DOCK2: variants seen among roughly 807,000 people sequenced by gnomAD.
DOCK2 encodes dedicator of cytokinesis protein 2.
DOCK2 carries 87 observed loss-of-function variants against 248.9 expected under a neutral mutation model. That is an observed-to-expected ratio of 0.35 (90% CI 0.29 to 0.42). DOCK2 has a LOEUF of 0.42. Among genes scored for constraint, DOCK2 ranks in the 10% least tolerant of loss-of-function variants. The probability of loss-of-function intolerance (pLI) is 1.00; values close to 1 mark genes in which losing one functional copy is unlikely to be tolerated. For missense variants in DOCK2, 1,747 were observed against 2,300.2 expected, an observed-to-expected ratio of 0.76 and a Z score of 4.92; for synonymous variants, 805 against 821.6, an observed-to-expected ratio of 0.98 and a Z score of 0.35.
At chr5:169,943,431 G>A (rs1776321319) in intron 27 of DOCK2, among the ~76,000 whole-genome samples, 1 of 152,114 alleles carries the variant, frequency 6.6e-6, no homozygotes, top group Non-Finnish European at 1.5e-5. Context: ...TTTAAAAAAT[G>A]TGAATCCTTT....
At chr5:169,765,762 A>G (rs1440788095) in intron 25 of DOCK2, among the ~76,000 whole-genome samples, 1 of 152,034 alleles carries the variant, frequency 6.6e-6, no homozygotes, top group African/African-American at 2.4e-5. Context: ...GAGATTTGGA[A>G]GCTCTTTCAA....
intron 27 of DOCK2, among the ~76,000 whole-genome samples, chr5:169,925,756 A>G (rs933728094): frequency 6.6e-6 from 1 of 151,990 alleles, no homozygotes; most frequent in Non-Finnish European, 1.5e-5. Flanking sequence ...AAAAGAGATC[A>G]TGTAAAGTGC....
In DOCK2 at chr5:169,654,466, G is replaced by A. The variant is rs756449193; in HGVS notation, c.107G>A (p.Arg36Gln). The change falls in exon 2 of 52, where the codon CGA becomes CAA. Residue 36 changes from arginine (R) to glutamine (Q), a missense_variant. Coordinates refer to ENST00000520908, the MANE Select transcript of DOCK2 (RefSeq NM_004946.3). Reference protein sequence around the residue: ...QLSLQIGDVVRIQETCGDWYR... With the variant: ...QLSLQIGDVVQIQETCGDWYR... ...TCCCTGCAGATCGGCGATGTGGTGCGAATACAGGAGACGTGTGGAGGTGAG... is the reference window on the plus strand; with the variant it reads ...TCCCTGCAGATCGGCGATGTGGTGCAAATACAGGAGACGTGTGGAGGTGAG... The A allele has an allele frequency of 7.4e-6, 12 of 1,614,038 alleles. No homozygotes were observed. The highest frequency in any genetic ancestry group is 3.3e-4 in the Middle Eastern group (2 of 6,060).
At chr5:169,978,385 GTGTGT>G (rs1342099076) in intron 27 of DOCK2, among the ~76,000 whole-genome samples, 8 of 60,582 alleles carry the variant, frequency 1.3e-4, no homozygotes, top group Non-Finnish European at 2.6e-4. Flanking sequence ...ATGTGTGTGT[GTGTGT>G]GTGGGGGGGG....
At chr5:170,049,572 C>T (rs1248899653) in intron 40 of DOCK2, among the ~76,000 whole-genome samples, 1 of 152,204 alleles carries the variant, frequency 6.6e-6, no homozygotes, top group African/African-American at 2.4e-5. Flanking sequence ...AGCAGAGTTT[C>T]TCAACCTCAG....
chr5:170,011,400 CAT>C (rs1390339888), intron 32 of DOCK2, among the ~76,000 whole-genome samples: 1 of 152,114 alleles, frequency 6.6e-6, no homozygotes, highest in African/African-American at 2.4e-5. Flanking sequence ...TGCTCTGAAG[CAT>C]CACAGACTCC....
rs530809956 is a variant in DOCK2 at position 170,053,404 on chromosome 5, G to A, written c.4214-1901G>A. Among the ~76,000 whole-genome samples the A allele has an allele frequency of 2.6e-4, 39 of 152,332 alleles. No individual in the cohort carries two copies. The South Asian group carries it at 2.7e-3, about 11-fold the overall frequency. ...GCAGCCACTGAAAACCCAAAAATGC[G>A]CGGGTATTGCTGTGTTCCAATAAAA... is the stretch of plus-strand genomic sequence containing the variant. On this transcript the variant is annotated intron_variant, in intron 41 of 51. Transcript: ENST00000520908.
At chr5:169,785,467 G>T (rs1765935823) in intron 25 of DOCK2, among the ~76,000 whole-genome samples, 1 of 151,980 alleles carries the variant, frequency 6.6e-6, no homozygotes, top group South Asian at 2.1e-4. Flanking sequence ...TAGAACAAAT[G>T]GAATAGGAAT....
chr5:170,031,930 C>T (rs952042785), intron 34 of DOCK2, among the ~76,000 whole-genome samples: 15 of 152,196 alleles, frequency 9.9e-5, no homozygotes, highest in Admixed American at 5.2e-4. Flanking sequence ...TGCTCAGGAA[C>T]CAGCCCAGAT....
intron 27 of DOCK2, among the ~76,000 whole-genome samples, chr5:169,954,516 C>A (rs79455220): frequency 1.3e-5 from 2 of 152,182 alleles, no homozygotes; most frequent in Non-Finnish European, 1.5e-5. Flanking sequence ...TGGCCACCCC[C>A]CTGAAGCTGT....
At chr5:169,964,214 T>A (rs1777205687) in intron 27 of DOCK2, among the ~76,000 whole-genome samples, 1 of 152,146 alleles carries the variant, frequency 6.6e-6, no homozygotes, top group Non-Finnish European at 1.5e-5. Context: ...ATTCTGTGCT[T>A]TATCCTCGGT....
In DOCK2 at chr5:169,802,918, C is replaced by A. The variant is rs796936209; in HGVS notation, c.2555-140C>A. 8.1e-6 allele frequency: 9 copies of A among 1,113,028 alleles called. No individual in the cohort carries two copies. In the African/African-American group the frequency reaches 1.3e-4, roughly 16 times the overall value. The allele number at this position is 1,113,028 out of a possible 1,614,324, so 68.9% of individuals were successfully genotyped here. On this transcript the variant is annotated intron_variant, in intron 25 of 51. Transcript: ENST00000520908. Reference sequence around the variant, plus strand: ...AATGATGTTCTCAGGAAATCTTAACCTAATCTTTAATATTTTAATTTTTTA... The same window carrying A: ...AATGATGTTCTCAGGAAATCTTAACATAATCTTTAATATTTTAATTTTTTA...
At chr5:169,776,797 C>T (rs1428564061) in intron 25 of DOCK2, among the ~76,000 whole-genome samples, 1 of 152,180 alleles carries the variant, frequency 6.6e-6, no homozygotes, top group Non-Finnish European at 1.5e-5. Context: ...TCCTGCTGCC[C>T]TGTGAAAAAG....
At chr5:170,016,611 T>C (rs1256546691) in intron 32 of DOCK2, among the ~76,000 whole-genome samples, 1 of 152,254 alleles carries the variant, frequency 6.6e-6, no homozygotes, top group African/African-American at 2.4e-5. Context: ...AGATCAAAAG[T>C]ATTTAAGAAA....
intron 27 of DOCK2, among the ~76,000 whole-genome samples, chr5:169,893,555 G>A (rs924910093): frequency 6.6e-6 from 1 of 151,766 alleles, no homozygotes; most frequent in African/African-American, 2.4e-5. Flanking sequence ...CAAACACTGG[G>A]GGAGCTGCCT....
chr5:170,001,027 C>A (rs1375204884), intron 30 of DOCK2, among the ~76,000 whole-genome samples: 1 of 152,190 alleles, frequency 6.6e-6, no homozygotes, highest in Non-Finnish European at 1.5e-5. Flanking sequence ...GTTGGTTCCA[C>A]CAGGCAGAAC....
chr5:169,957,858 G>A (rs959159375), intron 27 of DOCK2, among the ~76,000 whole-genome samples: 12 of 152,082 alleles, frequency 7.9e-5, no homozygotes, highest in African/African-American at 2.9e-4. Context: ...ATTGCCTTAG[G>A]CATTTATTAT....
rs1247185071 is a variant in DOCK2 at position 169,998,236 on chromosome 5, G to A, written c.3072+2072G>A. 2.0e-5 allele frequency among the ~76,000 whole-genome samples: 3 copies of A among 152,146 alleles called. 1 individual carries two copies. The East Asian group carries it at 5.8e-4, about 29-fold the overall frequency. On this transcript the variant is annotated intron_variant, in intron 30 of 51. Transcript: ENST00000520908. The stretch of plus-strand genomic sequence containing the variant: ...TTTCCTCCCATAGAACTTAAGCCTC[G>A]TGAGTATAAAGACCTTGAACACACA...
At chr5:169,994,680 TAGAG>T (rs1189505543) in intron 29 of DOCK2, among the ~76,000 whole-genome samples, 1 of 151,978 alleles carries the variant, frequency 6.6e-6, no homozygotes, top group Admixed American at 6.6e-5. Context: ...AGAAAGAACA[TAGAG>T]AGGGATTTGG....
Sources: gnomAD v4.1 joint callset for allele counts (sites outside exome capture counted in the v4.1 genomes callset) on GRCh38, gnomAD v4.1.1 for gene constraint, MANE v1.5 for transcripts, NCBI Gene and HGNC (gene_info 2026-07-23, HGNC 2026-07-21) for gene names.